Variants in PALLD observed in about 807,000 individuals in gnomAD.
PALLD encodes the protein palladin, cytoskeletal associated protein.
A neutral mutation model predicts 123.5 loss-of-function variants in PALLD; 61 were observed. The ratio of observed to expected loss-of-function variants is 0.49; its 90% CI spans 0.40 to 0.61. The LOEUF is 0.61. Among genes scored for constraint, PALLD ranks in the 20% least tolerant of loss-of-function variants. The probability of loss-of-function intolerance (pLI) is 0.00; values close to 1 mark genes in which losing one functional copy is unlikely to be tolerated. For synonymous variants in PALLD, 465 were observed against 496.4 expected, an observed-to-expected ratio of 0.94 and a Z score of 0.84; for missense variants, 1,273 against 1,377.0, an observed-to-expected ratio of 0.92 and a Z score of 1.20.
chr4:168,753,397 C>T (rs1031525131), intron 10 of PALLD, among the ~76,000 whole-genome samples: 1 of 151,660 alleles, frequency 6.6e-6, no homozygotes, highest in African/African-American at 2.4e-5. Flanking sequence ...TCTCCCCCGA[C>T]CCTCTCCTCC....
At chr4:168,807,863 G>A (rs1430720583) in intron 10 of PALLD, among the ~76,000 whole-genome samples, 2 of 151,860 alleles carry the variant, frequency 1.3e-5, no homozygotes, top group Admixed American at 6.6e-5. Context: ...GCGCCACCAT[G>A]CCCAGCTAAT....
At chr4:168,497,232 C>A (rs562926469) in intron 1 of PALLD, 38 bp downstream of exon 1, 2 of 146,054 alleles carry the variant, frequency 1.4e-5, no homozygotes, top group Non-Finnish European at 3.0e-5. Flanking sequence ...ACTAGTAGGG[C>A]AACATTTTAA....
At chr4:168,651,585 T>G (rs188284752) in intron 2 of PALLD, among the ~76,000 whole-genome samples, 1 of 152,138 alleles carries the variant, frequency 6.6e-6, no homozygotes, top group Admixed American at 6.5e-5. Flanking sequence ...CTCTTTTTTT[T>G]TCCCCCCCGC....
intron 10 of PALLD, among the ~76,000 whole-genome samples, chr4:168,873,547 T>A (rs1751356697): frequency 6.6e-6 from 1 of 152,252 alleles, no homozygotes; most frequent in African/African-American, 2.4e-5. Context: ...ATTTCCAATT[T>A]ACATAAAAGT....
chr4:168,520,347 AAGAG>A (rs1554034659), intron 2 of PALLD, among the ~76,000 whole-genome samples: 9 of 83,996 alleles, frequency 1.1e-4, no homozygotes, highest in Admixed American at 2.5e-4. Context: ...AAAAAAAAAA[AAGAG>A]AGAGAGAGAA....
chr4:168,785,800 T>C (rs1055123485), intron 10 of PALLD, among the ~76,000 whole-genome samples: 12 of 142,412 alleles, frequency 8.4e-5, no homozygotes, highest in Non-Finnish European at 1.2e-4. Flanking sequence ...TAGCTGGCTT[T>C]AAAATAAAGG....
chr4:168,567,342 A>T (rs1007179038), intron 2 of PALLD, among the ~76,000 whole-genome samples: 20 of 152,044 alleles, frequency 1.3e-4, no homozygotes, highest in Non-Finnish European at 4.4e-5. Flanking sequence ...AAACAACTCT[A>T]TGAAGAAGTA....
At chr4:168,710,397 T>TAAA in intron 9 of PALLD, among the ~76,000 whole-genome samples, 1 of 152,328 alleles carries the variant, frequency 6.6e-6, no homozygotes, top group African/African-American at 2.4e-5. Flanking sequence ...AATATGTTTT[T>TAAA]GACCAAGCCT....
chr4:168,543,560 A>T (rs1765853383), intron 2 of PALLD, among the ~76,000 whole-genome samples: 1 of 152,166 alleles, frequency 6.6e-6, no homozygotes, highest in South Asian at 2.1e-4. Flanking sequence ...GAGGGCAAAA[A>T]AAAAAATTAA....
In PALLD at chr4:168,894,630, G is replaced by A; in HGVS notation, c.2152G>A (p.Ala718Thr). The A allele has an allele frequency of 1.2e-6, 2 of 1,613,328 alleles. No individual in the cohort carries two copies. The highest frequency in any genetic ancestry group is 2.2e-5 in the East Asian group (1 of 44,858). ...MARRLLGADSATVFNIQEPEE... is the reference protein window; with the variant it reads ...MARRLLGADSTTVFNIQEPEE... The stretch of plus-strand genomic sequence containing the variant: ...TCGTCGACTGCTAGGTGCTGACAGT[G>A]CAACTGTCTTTAATATTCAGGAGCC... The change falls in exon 12 of 22, where the codon GCA becomes ACA. Residue 718 changes from alanine to threonine, a missense_variant. By Grantham distance (58) the Ala-to-Thr change is moderately conservative. Transcript: ENST00000505667.
intron 10 of PALLD, among the ~76,000 whole-genome samples, chr4:168,833,489 C>G (rs1447459267): frequency 2.0e-5 from 3 of 152,106 alleles, no homozygotes; most frequent in Non-Finnish European, 4.4e-5. Flanking sequence ...GACAGAGGGA[C>G]CGACCCAAGC....
chr4:168,684,901 G>T (rs562775539), intron 5 of PALLD, among the ~76,000 whole-genome samples: 2 of 152,268 alleles, frequency 1.3e-5, no homozygotes, highest in African/African-American at 4.8e-5. Context: ...AGTACACAAA[G>T]AAATATTTTC....
intron 10 of PALLD, among the ~76,000 whole-genome samples, chr4:168,878,682 T>TTGGGGG (rs1553965735): frequency 1.2e-5 from 1 of 83,864 alleles, no homozygotes; most frequent in Non-Finnish European, 3.0e-5. Flanking sequence ...TTAATCATTA[T>TTGGGGG]GGGGGGGGGG....
chr4:168,620,494 A>G (rs560016765), intron 2 of PALLD, among the ~76,000 whole-genome samples: 9 of 152,208 alleles, frequency 5.9e-5, no homozygotes, highest in Non-Finnish European at 4.4e-5. Context: ...GCAAAAAACC[A>G]GGGAACTCAA....
intron 10 of PALLD, among the ~76,000 whole-genome samples, chr4:168,818,980 A>G (rs1742344721): frequency 6.6e-6 from 1 of 152,210 alleles, no homozygotes; most frequent in South Asian, 2.1e-4. Flanking sequence ...ATTTTTTGTC[A>G]TCTTTATTTT....
At chr4:168,545,386 G>A (rs148022823) in intron 2 of PALLD, among the ~76,000 whole-genome samples, 49 of 152,068 alleles carry the variant, frequency 3.2e-4, no homozygotes, top group East Asian at 1.9e-3. Flanking sequence ...AAAATTAGCC[G>A]GGCGAGGTGG....
At chr4:168,725,267 A>T (rs1440297813) in intron 10 of PALLD, among the ~76,000 whole-genome samples, 1 of 152,184 alleles carries the variant, frequency 6.6e-6, no homozygotes, top group Non-Finnish European at 1.5e-5. Flanking sequence ...ATGGGTAATT[A>T]TATGCCTCAG....
intron 6 of PALLD, among the ~76,000 whole-genome samples, chr4:168,687,624 C>T (rs1473693381): frequency 6.6e-6 from 1 of 152,188 alleles, no homozygotes; most frequent in East Asian, 1.9e-4. Context: ...TGCTTTCTTT[C>T]ACTACCGGGC....
chr4:168,580,022 G>T (rs1269900048), intron 2 of PALLD, among the ~76,000 whole-genome samples: 1 of 151,906 alleles, frequency 6.6e-6, no homozygotes, highest in Non-Finnish European at 1.5e-5. Flanking sequence ...TTGACCAATA[G>T]CTCCTCATTT....
Sources: gnomAD v4.1 joint callset for allele counts (sites outside exome capture counted in the v4.1 genomes callset) on GRCh38, gnomAD v4.1.1 for gene constraint, MANE v1.5 for transcripts, NCBI Gene and HGNC (gene_info 2026-07-23, HGNC 2026-07-21) for gene names.